MICALL1: variants seen among roughly 807,000 people sequenced by gnomAD.
The protein encoded by MICALL1 is MICAL like 1, also known as MICAL-like protein 1.
In MICALL1, 61 loss-of-function variants were observed where a neutral mutation model predicts 83.7. The ratio of observed to expected loss-of-function variants is 0.73; its 90% CI spans 0.59 to 0.90. MICALL1 has a LOEUF of 0.90. Ranked by LOEUF, MICALL1 falls within the 40% of genes least tolerant of loss-of-function variation. The probability of loss-of-function intolerance (pLI) is 0.00; values close to 1 mark genes in which losing one functional copy is unlikely to be tolerated. For synonymous variants in MICALL1, 481 were observed against 473.6 expected (o/e 1.02, Z -0.20); for missense variants, 1,066 against 1,152.0 (o/e 0.93, Z 1.08).
chr22:37,927,024 C>T (rs1451788088), intron 8 of MICALL1: 1 of 266,772 alleles, frequency 3.7e-6, no homozygotes, highest in Non-Finnish European at 7.2e-6. Flanking sequence ...AGTGCCTGTC[C>T]CAGAGCTGGT....
intron 6 of MICALL1, 95 bp downstream of exon 6, chr22:37,922,521 C>T: frequency 1.1e-6 from 1 of 888,328 alleles, no homozygotes; most frequent in Non-Finnish European, 1.7e-6. Context: ...GGCCCCTCTC[C>T]ATCTGTGCCA....
At position 37,906,969 on chromosome 22, in the gene MICALL1, C is replaced by T. The variant is rs1928000924; in HGVS notation, c.146+401C>T. ...CTTCTCCACGGGCTCGCCGGGCCTC[C>T]CCTCTCCCCCGAGGCTTCCCACTCG... is the stretch of plus-strand genomic sequence containing the variant. On this transcript the variant is annotated intron_variant, in intron 1 of 15. Transcript: ENST00000215957. This position sits in a 1 kb window ranked among gnomAD's most constrained non-coding sequence, Gnocchi z 4.4. 6.5e-6 allele frequency: 1 copy of T among 152,832 alleles called. No homozygotes were observed. 9.5% of individuals were successfully genotyped at this position (152,832 alleles called of 1,614,324 possible).
chr22:37,939,331 T>A (rs573780018), intron 15 of MICALL1, among the ~76,000 whole-genome samples: 7 of 152,318 alleles, frequency 4.6e-5, no homozygotes, highest in Admixed American at 1.3e-4. Flanking sequence ...AGGGCTCAGT[T>A]GGTATTAGTC....
intron 1 of MICALL1, among the ~76,000 whole-genome samples, chr22:37,907,983 T>C (rs953908672): frequency 7.2e-5 from 11 of 152,272 alleles, no homozygotes; most frequent in Admixed American, 3.3e-4. Flanking sequence ...CTGTTTTGTT[T>C]GAGGGGCAGG....
At chr22:37,939,693 G>A (rs1348086819) in intron 15 of MICALL1, among the ~76,000 whole-genome samples, 1 of 144,454 alleles carries the variant, frequency 6.9e-6, no homozygotes, top group Non-Finnish European at 1.5e-5. Context: ...AGAATCGCCT[G>A]AACCCAGGTG....
Position 37,927,473 on chromosome 22 carries a change from A to G in MICALL1, c.1528A>G (p.Ser510Gly). The G allele has an allele frequency of 6.2e-7, 1 of 1,609,562 alleles. No homozygotes were observed. The highest frequency in any genetic ancestry group is 8.5e-7 in the Non-Finnish European group (1 of 1,176,906). The change falls in exon 9 of 16, where the codon AGC (serine) becomes GGC (glycine). Residue 510 changes from serine (S) to glycine (G), a missense_variant. Ser to Gly is a moderately conservative substitution (Grantham distance 56). Transcript: ENST00000215957. Reference protein sequence around the residue: ...PPSATPSPALSVESLSSESAS... With the variant: ...PPSATPSPALGVESLSSESAS... The stretch of plus-strand genomic sequence containing the variant: ...CTCGGCCACACCATCGCCAGCGCTC[A>G]GCGTGGAGAGCCTGTCGTCTGAGAG...
chr22:37,908,427 A>G (rs6000934), intron 1 of MICALL1, among the ~76,000 whole-genome samples: 7,577 of 151,614 alleles, frequency 0.05, 606 homozygotes, highest in African/African-American at 0.17. Context: ...CAACCTCCCT[A>G]GTAGCTGGGA....
intron 13 of MICALL1, among the ~76,000 whole-genome samples, 166 bp downstream of exon 13, chr22:37,933,278 G>A (rs3026629): frequency 0.27 from 40,287 of 151,926 alleles, 6,585 homozygotes; most frequent in Non-Finnish European, 0.35. Flanking sequence ...CCCAAGGATG[G>A]GAGAGACTGT....
intron 3 of MICALL1, 107 bp from the exon 4 acceptor site, chr22:37,917,600 C>T (rs1195178082): frequency 2.0e-6 from 2 of 975,684 alleles, no homozygotes. Context: ...ATTAGGTGGT[C>T]TGCCTTTAGG....
intron 13 of MICALL1, 62 bp downstream of exon 13, chr22:37,933,174 G>C (rs977328444): frequency 4.5e-6 from 7 of 1,555,370 alleles, no homozygotes; most frequent in Non-Finnish European, 5.3e-6. Context: ...ACGGAGGAGT[G>C]GGGGAGCGGG....
Position 37,927,575 on chromosome 22 carries a change from G to T in MICALL1, c.1630G>T (p.Ala544Ser), listed in dbSNP as rs1252420201. 2 of 1,613,504 alleles carry T rather than the reference G, an allele frequency of 1.2e-6. No individual in the cohort carries two copies. Among genetic ancestry groups the T allele is most frequent in the Non-Finnish European group, 1.7e-6 (2 of 1,179,470 alleles). The stretch of plus-strand genomic sequence containing the variant: ...GAGCTCCTCAGAGCCTGCTGTCCAT[G>T]CCCCTGGTACCCCTGGAAACCCTGT... The part of the protein sequence containing the change: ...PKSSSEPAVH[A>S]PGTPGNPVSL... The change falls in exon 9 of 16, where the codon GCC (alanine) becomes TCC (serine). Residue 544 changes from alanine (A) to serine (S), a missense_variant. Ala to Ser is a moderately conservative substitution (Grantham distance 99). Transcript: ENST00000215957.
intron 1 of MICALL1, chr22:37,907,119 G>C (rs1928011085): frequency 6.6e-6 from 1 of 152,664 alleles, no homozygotes; most frequent in Non-Finnish European, 1.5e-5. Flanking sequence ...GGTGTTGGAT[G>C]AATGGATGTA....
At position 37,924,861 on chromosome 22, in the gene MICALL1, C is replaced by CT. The variant is rs1302174597; in HGVS notation, c.1082+146dup. 4 of 742,322 alleles carry CT rather than the reference C, an allele frequency of 5.4e-6. No individual in the cohort carries two copies. The highest frequency in any genetic ancestry group is 8.5e-6 in the Non-Finnish European group (4 of 470,472). The allele number at this position is 742,322 out of a possible 1,614,324, so 46.0% of individuals were successfully genotyped here. A position where few individuals can be genotyped will look rare whatever the true frequency, so the allele number is the denominator to read the frequency against. On this transcript the variant is annotated intron_variant, in intron 7 of 15. Coordinates refer to ENST00000215957, the MANE Select transcript of MICALL1 (RefSeq NM_033386.4). This position sits in a 1 kb window ranked among gnomAD's most constrained non-coding sequence, Gnocchi z 5.2. Reference sequence around the variant, plus strand: ...GGGAAGGAGAGCTGGGCCCACACCCCTTCTCCTGAGGCTCACCCCGGGATT... The same window carrying CT: ...GGGAAGGAGAGCTGGGCCCACACCCCTTTCTCCTGAGGCTCACCCCGGGATT...
chr22:37,910,123 C>T (rs555800793), intron 1 of MICALL1, among the ~76,000 whole-genome samples: 1 of 152,216 alleles, frequency 6.6e-6, no homozygotes, highest in Non-Finnish European at 1.5e-5. Flanking sequence ...TGAAGACTCT[C>T]AGAAAATATA....
intron 5 of MICALL1, among the ~76,000 whole-genome samples, chr22:37,921,744 C>T (rs1232723044): frequency 1.3e-5 from 2 of 152,214 alleles, no homozygotes; most frequent in East Asian, 3.8e-4. Context: ...AGGCATTTTT[C>T]ACAATTTCTG....
chr22:37,931,226 T>G (rs1229765302), intron 9 of MICALL1, among the ~76,000 whole-genome samples: 5 of 152,136 alleles, frequency 3.3e-5, no homozygotes. Flanking sequence ...CATTGTAATA[T>G]CCACTTGGCA....
intron 3 of MICALL1, among the ~76,000 whole-genome samples, chr22:37,915,208 C>T (rs934314636): frequency 6.6e-6 from 1 of 152,068 alleles, no homozygotes; most frequent in African/African-American, 2.4e-5. Context: ...GCTATGATCA[C>T]GCCAGTGCAC....
In MICALL1 at chr22:37,911,735, G is replaced by A. The variant is rs751952857; in HGVS notation, c.147-217G>A. 2.2e-4 allele frequency among the ~76,000 whole-genome samples: 33 copies of A among 152,204 alleles called. 1 individual carries two copies. The highest frequency in any genetic ancestry group is 6.8e-3 in the Middle Eastern group (2 of 294). The stretch of plus-strand genomic sequence containing the variant: ...ATGCCTCCAGGGCCCGTGATCTCAT[G>A]CCCTGCCCTGCCCTGGCAGCTCCAG... On this transcript the variant is annotated intron_variant, in intron 1 of 15. Transcript: ENST00000215957.
In MICALL1 at chr22:37,926,029, G is replaced by A; in HGVS notation, c.1451G>A (p.Ser484Asn). The A allele has an allele frequency of 6.2e-7, 1 of 1,602,544 alleles. No individual in the cohort carries two copies. Among genetic ancestry groups the A allele is most frequent in the African/African-American group, 1.3e-5 (1 of 74,686 alleles). The change falls in exon 8 of 16, where the codon AGC becomes AAC. Residue 484 changes from serine (S) to asparagine (N), a missense_variant. Coordinates refer to ENST00000215957, the MANE Select transcript of MICALL1 (RefSeq NM_033386.4). Reference sequence around the variant, plus strand: ...AAGCGCCCTGCCCCGCGCGCACCCAGCGCGTCCCCACTGGGTGAGTGCCTT... The same window carrying A: ...AAGCGCCCTGCCCCGCGCGCACCCAACGCGTCCCCACTGGGTGAGTGCCTT... ...TKKRPAPRAP[S>N]ASPLALHASR... is the part of the protein sequence containing the mutation.
Sources: allele counts gnomAD v4.1 joint callset (sites outside exome capture counted in the v4.1 genomes callset), GRCh38; gene constraint gnomAD v4.1.1; non-coding constraint Gnocchi (gnomAD v3.1); transcripts MANE v1.5; gene names NCBI Gene and HGNC (gene_info 2026-07-23, HGNC 2026-07-21).